The following ITGB7 variants were observed in gnomAD, a reference collection of about 807,000 sequenced individuals.
ITGB7 encodes the protein integrin subunit beta 7, also known as integrin beta-7.
ITGB7 carries 55 observed loss-of-function variants against 83.4 expected under a neutral mutation model. The ratio of observed to expected loss-of-function variants is 0.66; its 90% CI spans 0.53 to 0.83. ITGB7 has a LOEUF of 0.83. Ranked by LOEUF, ITGB7 falls within the 40% of genes least tolerant of loss-of-function variation. ITGB7 has a pLI of 0.00. For synonymous variants in ITGB7, 454 were observed against 423.6 expected (o/e 1.07, Z -0.88); for missense variants, 921 against 1,046.7 (o/e 0.88, Z 1.66).
At chr12:53,197,424 G>T (rs1170132313) in intron 5 of ITGB7, 69 bp downstream of exon 5, 7 of 1,572,672 alleles carry the variant, frequency 4.5e-6, no homozygotes, top group Non-Finnish European at 6.1e-6. Context: ...AGTCCAGGAT[G>T]TTGGCAGAGG....
At chr12:53,194,769 T>A (rs1942098090) in intron 9 of ITGB7, 1 of 176,358 alleles carries the variant, frequency 5.7e-6, no homozygotes, top group African/African-American at 2.4e-5. Context: ...CTCCCTGTTA[T>A]CAAGAAGCCT....
intron 5 of ITGB7, chr12:53,197,122 A>AG: frequency 1.8e-6 from 1 of 545,918 alleles, no homozygotes. Flanking sequence ...ATTTGAATAG[A>AG]GGAGAGTTGG....
chr12:53,191,399 C>G lies in ITGB7; in HGVS notation c.*157G>C, dbSNP rs561169980. 3.0e-6 allele frequency: 2 copies of G among 668,388 alleles called. No homozygotes were observed. Among genetic ancestry groups the G allele is most frequent in the African/African-American group, 3.5e-5 (2 of 56,460 alleles). 41.4% of individuals were successfully genotyped at this position (668,388 alleles called of 1,614,324 possible). On this transcript the variant is annotated 3_prime_UTR_variant, in exon 16 of 16. Coordinates refer to ENST00000267082, the MANE Select transcript of ITGB7 (RefSeq NM_000889.3). The stretch of plus-strand genomic sequence containing the variant: ...AAGGTTGCAGGCATGGGAAGCAGCC[C>G]TCTTGGGTGTCACTCTGAAAATGAA...
intron 3 of ITGB7, among the ~76,000 whole-genome samples, chr12:53,198,679 CT>C (rs1942249632): frequency 6.6e-6 from 1 of 151,734 alleles, no homozygotes; most frequent in African/African-American, 2.4e-5. Flanking sequence ...CACAGACTTC[CT>C]GTTGAGATCT....
Position 53,193,349 on chromosome 12 carries a change from C to A in ITGB7, c.1517G>T (p.Arg506Leu). The change falls in exon 12 of 16, where the codon CGC (arginine) becomes CTC (leucine). Residue 506 changes from arginine (R) to leucine (L), a missense_variant. Transcript: ENST00000267082. ...QCGVCSCAPG[R>L]LGRLCECSVA... ...AGAGCACTCACAGAGCCGACCTAGG[C>A]GGCCAGGGGCACAGCTGGAAGGGGA... 6.3e-7 allele frequency: 1 copy of A among 1,584,898 alleles called. No homozygotes were observed. The highest frequency in any genetic ancestry group is 1.8e-5 in the Admixed American group (1 of 57,076).
intron 15 of ITGB7, 38 bp downstream of exon 15, chr12:53,191,819 GGA>G (rs767890051): frequency 6.2e-7 from 1 of 1,611,828 alleles, no homozygotes; most frequent in South Asian, 1.1e-5. Flanking sequence ...TTGTGGTGGG[GGA>G]ACAGCTAAAA....
chr12:53,194,153 C>G, intron 10 of ITGB7, 45 bp downstream of exon 10: 1 of 1,611,582 alleles, frequency 6.2e-7, no homozygotes, highest in Non-Finnish European at 8.5e-7. Context: ...TTTCCCACTC[C>G]CACCTCCCCC....
In ITGB7 at chr12:53,196,418, C is replaced by G. The variant is rs934238524; in HGVS notation, c.816+161G>C. On this transcript the variant is annotated intron_variant, in intron 6 of 15. Coordinates refer to ENST00000267082, the MANE Select transcript of ITGB7 (RefSeq NM_000889.3). ...GAATTCGAAAAACATGCCTCCTCCTCAAGATATTTTACTCCAACCCACCAG... is the reference window on the plus strand; with the variant it reads ...GAATTCGAAAAACATGCCTCCTCCTGAAGATATTTTACTCCAACCCACCAG... 2.9e-5 allele frequency: 32 copies of G among 1,108,740 alleles called. No individual in the cohort carries two copies. The Middle Eastern group carries it at 1.2e-3, about 42-fold the overall frequency. 68.7% of individuals were successfully genotyped at this position (1,108,740 alleles called of 1,614,324 possible).
chr12:53,204,526 A>C (rs1047189245), intron 1 of ITGB7, among the ~76,000 whole-genome samples: 6 of 152,298 alleles, frequency 3.9e-5, no homozygotes, highest in Non-Finnish European at 8.8e-5. Context: ...AGAAAAATCC[A>C]CAGAGACAGA....
In ITGB7 at chr12:53,192,769, C is replaced by T. The variant is rs372408845; in HGVS notation, c.1868G>A (p.Arg623His). The change falls in exon 13 of 16, where the codon CGC becomes CAC. Residue 623 changes from arginine (R) to histidine (H), a missense_variant. Transcript: ENST00000267082. ...CSGHGRCKCN[R>H]CQCLDGYYGA... is the part of the protein sequence containing the mutation. ...ATAGTAGCCGTCCAAGCACTGGCAG[C>T]GGTTGCATTTGCAGCGTCCATGCCC... 27 of 1,614,124 alleles carry T rather than the reference C, an allele frequency of 1.7e-5. No homozygotes were observed. The highest frequency in any genetic ancestry group is 1.1e-4 in the African/African-American group (8 of 74,946).
In ITGB7 at chr12:53,194,339, C is replaced by T. The variant is rs767087706; in HGVS notation, c.1167G>A (p.Leu389=). The T allele has an allele frequency of 1.2e-6, 2 of 1,614,024 alleles. No homozygotes were observed. Among genetic ancestry groups the T allele is most frequent in the Non-Finnish European group, 1.7e-6 (2 of 1,179,960 alleles). The part of the protein sequence containing the change: ...VQLIMDAYNS[L]SSTVTLEHSS... ...AGTGTTCAAGGGTCACGGTGGAAGACAGGCTCTATGGGAAGAGAGCGAGTG... is the reference window on the plus strand; with the variant it reads ...AGTGTTCAAGGGTCACGGTGGAAGATAGGCTCTATGGGAAGAGAGCGAGTG... Residue 389 remains leucine (L), a synonymous_variant, in exon 10 of 16, where the codon CTG becomes CTA. Transcript: ENST00000267082.
chr12:53,206,855 C>T (rs1942454272), intron 1 of ITGB7: 4 of 152,252 alleles, frequency 2.6e-5, no homozygotes, highest in Admixed American at 2.6e-4. Context: ...TGGAAGAACC[C>T]TCCCTCAGTA....
intron 1 of ITGB7, among the ~76,000 whole-genome samples, chr12:53,205,678 T>C (rs1024200673): frequency 1.3e-5 from 2 of 152,214 alleles, no homozygotes; most frequent in African/African-American, 4.8e-5. Flanking sequence ...GGACTTGTAC[T>C]GGTCCACATT....
intron 12 of ITGB7, 98 bp from the exon 13 acceptor site, chr12:53,193,008 A>G: frequency 7.2e-7 from 1 of 1,386,940 alleles, no homozygotes; most frequent in South Asian, 1.2e-5. Flanking sequence ...TTTTTGAAGT[A>G]TGCCAACCAC....
rs3817537 is a variant in ITGB7 at position 53,193,621 on chromosome 12, G to T, written c.1502+87C>A. On this transcript the variant is annotated intron_variant, in intron 11 of 15. Coordinates refer to ENST00000267082, the MANE Select transcript of ITGB7 (RefSeq NM_000889.3). ...TCGGGATGTCGAGGAGACTCCTGTG[G>T]GGGGGATGGAAAGCAGCGGAGGAAT... 6.6e-5 allele frequency: 79 copies of T among 1,192,960 alleles called. No homozygotes were observed. In the African/African-American group the frequency reaches 1.0e-3, roughly 16 times the overall value. The allele number at this position is 1,192,960 out of a possible 1,614,324, so 73.9% of individuals were successfully genotyped here. A position where few individuals can be genotyped will look rare whatever the true frequency, so the allele number is the denominator to read the frequency against.
intron 10 of ITGB7, 90 bp downstream of exon 10, chr12:53,194,108 C>T: frequency 1.3e-6 from 2 of 1,565,806 alleles, no homozygotes; most frequent in Non-Finnish European, 8.7e-7. Flanking sequence ...ATGTCACTCC[C>T]TGTACCTGCC....
intron 1 of ITGB7, among the ~76,000 whole-genome samples, chr12:53,203,196 T>C (rs190138618): frequency 1.1e-4 from 17 of 152,276 alleles, no homozygotes; most frequent in Admixed American, 1.1e-3. Context: ...GTATCCTTAA[T>C]ATATAACGAA....
At chr12:53,198,523 T>G (rs1269966616) in intron 3 of ITGB7, among the ~76,000 whole-genome samples, 1 of 151,980 alleles carries the variant, frequency 6.6e-6, no homozygotes, top group Non-Finnish European at 1.5e-5. Context: ...CCCAAAGTAC[T>G]GGGATTACAG....
At position 53,191,376 on chromosome 12, in the gene ITGB7, G is replaced by A; in HGVS notation, c.*180C>T. 1 of 625,046 alleles carries A rather than the reference G, an allele frequency of 1.6e-6. No homozygotes were observed. Among genetic ancestry groups the A allele is most frequent in the Admixed American group, 2.5e-5 (1 of 40,634 alleles). 38.7% of individuals were successfully genotyped at this position (625,046 alleles called of 1,614,324 possible). A position where few individuals can be genotyped will look rare whatever the true frequency, so the allele number is the denominator to read the frequency against. The stretch of plus-strand genomic sequence containing the variant: ...GGTGGGGTAGCCCAGATGGATGCAA[G>A]GTTGCAGGCATGGGAAGCAGCCCTC... On this transcript the variant is annotated 3_prime_UTR_variant, in exon 16 of 16. Coordinates refer to ENST00000267082, the MANE Select transcript of ITGB7 (RefSeq NM_000889.3).
Sources: gnomAD v4.1 joint callset for allele counts (sites outside exome capture counted in the v4.1 genomes callset) on GRCh38, gnomAD v4.1.1 for gene constraint, MANE v1.5 for transcripts, NCBI Gene and HGNC (gene_info 2026-07-23, HGNC 2026-07-21) for gene names.